The following MIGA1 variants were observed in gnomAD, a reference collection of about 807,000 sequenced individuals.
MIGA1 encodes mitoguardin 1.
In MIGA1, 58 loss-of-function variants were observed where a neutral mutation model predicts 82.0. That is an observed-to-expected ratio of 0.71 (90% CI 0.57 to 0.88). The LOEUF (loss-of-function observed/expected upper bound fraction) is 0.88, where lower values mean the gene tolerates loss of function less well. MIGA1 is among the 40% of genes least tolerant of loss of function. MIGA1 has a pLI of 0.00. For missense variants in MIGA1, 751 were observed against 749.1 expected, an observed-to-expected ratio of 1.00 and a Z score of -0.03; for synonymous variants, 249 against 253.6, an observed-to-expected ratio of 0.98 and a Z score of 0.17.
chr1:77,866,008 G>T (rs1214912375), intron 13 of MIGA1, among the ~76,000 whole-genome samples: 1 of 152,092 alleles, frequency 6.6e-6, no homozygotes, highest in Non-Finnish European at 1.5e-5. Context: ...CGCCTCCCGG[G>T]TTCAAGCAAT....
intron 14 of MIGA1, among the ~76,000 whole-genome samples, chr1:77,871,140 G>GGGAGAA (rs1685980906): frequency 6.9e-6 from 1 of 145,554 alleles, no homozygotes; most frequent in Non-Finnish European, 1.5e-5. Context: ...GAGAGGGAGA[G>GGGAGAA]GGCAGCACAT....
chr1:77,784,864 C>CA (rs999545342), intron 2 of MIGA1, among the ~76,000 whole-genome samples: 1 of 152,094 alleles, frequency 6.6e-6, no homozygotes. Context: ...AGAGCTTGTG[C>CA]AAAAAAACTC....
At chr1:77,846,811 G>A (rs981750464) in intron 8 of MIGA1, among the ~76,000 whole-genome samples, 1 of 152,056 alleles carries the variant, frequency 6.6e-6, no homozygotes, top group African/African-American at 2.4e-5. Flanking sequence ...GCCAGGCATG[G>A]TGGCGGGCGC....
Position 77,879,445 on chromosome 1 carries a change from C to T in MIGA1, c.*4381C>T, listed in dbSNP as rs1646919045. The T allele has an allele frequency of 6.6e-6, 1 of 152,160 alleles. No individual in the cohort carries two copies. Among genetic ancestry groups the T allele is most frequent in the Non-Finnish European group, 1.5e-5 (1 of 68,016 alleles). The allele number at this position is 152,160 out of a possible 1,614,324, so 9.4% of individuals were successfully genotyped here. A position where few individuals can be genotyped will look rare whatever the true frequency, so the allele number is the denominator to read the frequency against. On this transcript the variant is annotated 3_prime_UTR_variant, in exon 16 of 16. Coordinates refer to ENST00000370791, the MANE Select transcript of MIGA1 (RefSeq NM_198549.4). ...CATTAATTTGTGTAAAAGTAAAACA[C>T]TACAGTAGCAGAAAAAATTGCACTG...
At chr1:77,800,937 C>T (rs1682856936) in intron 2 of MIGA1, among the ~76,000 whole-genome samples, 1 of 152,122 alleles carries the variant, frequency 6.6e-6, no homozygotes, top group South Asian at 2.1e-4. Flanking sequence ...GATTTAGCTT[C>T]TATTTCCTCA....
At chr1:77,865,867 C>A (rs1194799949) in intron 13 of MIGA1, among the ~76,000 whole-genome samples, 1 of 151,530 alleles carries the variant, frequency 6.6e-6, no homozygotes, top group Non-Finnish European at 1.5e-5. Context: ...AATACCTTTT[C>A]ATTAATATTT....
chr1:77,787,355 T>G (rs1446230452), intron 2 of MIGA1, among the ~76,000 whole-genome samples: 1 of 152,128 alleles, frequency 6.6e-6, no homozygotes, highest in East Asian at 1.9e-4. Context: ...ATATGTATCC[T>G]TTGAAGAAAT....
intron 5 of MIGA1, among the ~76,000 whole-genome samples, chr1:77,811,998 A>G (rs1683357644): frequency 1.3e-5 from 2 of 152,214 alleles, no homozygotes; most frequent in East Asian, 3.8e-4. Flanking sequence ...TCAAACAAGA[A>G]GGAAAGGCCT....
intron 14 of MIGA1, among the ~76,000 whole-genome samples, chr1:77,872,288 G>A (rs1051183981): frequency 2.6e-5 from 4 of 152,126 alleles, no homozygotes; most frequent in African/African-American, 4.8e-5. Context: ...TTTTTATGAA[G>A]CATTTTTATG....
chr1:77,779,968 G>C (rs1358978812), intron 1 of MIGA1: 1 of 1,331,194 alleles, frequency 7.5e-7, no homozygotes, highest in African/African-American at 1.5e-5. Context: ...GTCGGGCCTG[G>C]TTAGTACTTG....
At chr1:77,848,212 A>C in intron 8 of MIGA1, 1 of 1,439,594 alleles carries the variant, frequency 6.9e-7, no homozygotes, top group East Asian at 2.3e-5. Flanking sequence ...AGAGGCATGA[A>C]CAGGAAGATA....
Position 77,783,322 on chromosome 1 carries a change from C to A in MIGA1, c.166C>A (p.Pro56Thr). 1 of 1,598,278 alleles carries A rather than the reference C, an allele frequency of 6.3e-7. No individual in the cohort carries two copies. The highest frequency in any genetic ancestry group is 8.6e-7 in the Non-Finnish European group (1 of 1,169,134). Reference sequence around the variant, plus strand: ...AGCAGCGCTAAGAGTGTTTGATCTTCCTCTGACTTGGTACTATTCTCTCTC... The same window carrying A: ...AGCAGCGCTAAGAGTGTTTGATCTTACTCTGACTTGGTACTATTCTCTCTC... Residue 56 changes from proline (P) to threonine (T), a missense_variant, in exon 2 of 16, where the codon CCT becomes ACT. Physicochemically the swap from Pro to Thr is conservative, Grantham distance 38. Transcript: ENST00000370791.
intron 2 of MIGA1, among the ~76,000 whole-genome samples, chr1:77,790,998 C>A (rs1192793807): frequency 6.6e-6 from 1 of 151,992 alleles, no homozygotes; most frequent in Non-Finnish European, 1.5e-5. Flanking sequence ...CCTGTAATCC[C>A]AGCACTTTGG....
At chr1:77,785,668 A>G (rs773512425) in intron 2 of MIGA1, among the ~76,000 whole-genome samples, 11 of 152,106 alleles carry the variant, frequency 7.2e-5, no homozygotes, top group Non-Finnish European at 1.5e-4. Context: ...TAAAGTTCCA[A>G]AATGATCTCT....
At chr1:77,786,955 C>T (rs1440753806) in intron 2 of MIGA1, among the ~76,000 whole-genome samples, 2 of 152,204 alleles carry the variant, frequency 1.3e-5, no homozygotes, top group East Asian at 1.9e-4. Flanking sequence ...CTGATAAAGA[C>T]ATACCTGAGA....
chr1:77,831,487 A>C (rs1242448789), intron 7 of MIGA1, among the ~76,000 whole-genome samples: 1 of 151,680 alleles, frequency 6.6e-6, no homozygotes, highest in African/African-American at 2.4e-5. Flanking sequence ...ATAAACAGAA[A>C]TTTTATTATC....
At chr1:77,832,870 C>A (rs189778878) in intron 7 of MIGA1, among the ~76,000 whole-genome samples, 31 of 152,224 alleles carry the variant, frequency 2.0e-4, no homozygotes, top group Admixed American at 4.6e-4. Flanking sequence ...ATATTTTATC[C>A]ATTTTTGTTG....
Position 77,875,186 on chromosome 1 carries a change from AT to A in MIGA1, c.*123del. ...ATGTGGATTCAGGGAGGAAAAAAAAATCTACTAAAAAATGAGCAACTGTACT... is the reference window on the plus strand; with the variant it reads ...ATGTGGATTCAGGGAGGAAAAAAAAACTACTAAAAAATGAGCAACTGTACT... On this transcript the variant is annotated 3_prime_UTR_variant, in exon 16 of 16. Coordinates refer to ENST00000370791, the MANE Select transcript of MIGA1 (RefSeq NM_198549.4). The A allele has an allele frequency of 1.3e-6, 1 of 771,656 alleles. No homozygotes were observed. The highest frequency in any genetic ancestry group is 2.1e-6 in the Non-Finnish European group (1 of 478,642). 47.8% of individuals were successfully genotyped at this position (771,656 alleles called of 1,614,324 possible).
At chr1:77,855,501 T>A (rs1439170464) in intron 8 of MIGA1, among the ~76,000 whole-genome samples, 3 of 152,210 alleles carry the variant, frequency 2.0e-5, no homozygotes, top group African/African-American at 7.2e-5. Context: ...CTTTTCACAA[T>A]ATAGATTCTA....
Sources: allele counts gnomAD v4.1 joint callset (sites outside exome capture counted in the v4.1 genomes callset), GRCh38; gene constraint gnomAD v4.1.1; transcripts MANE v1.5; gene names NCBI Gene and HGNC (gene_info 2026-07-23, HGNC 2026-07-21).